CHL1: variants seen among roughly 807,000 people sequenced by gnomAD.
CHL1 encodes cell adhesion molecule L1 like.
In CHL1, 96 loss-of-function variants were observed where a neutral mutation model predicts 141.9. That is an observed-to-expected ratio of 0.68 (90% CI 0.57 to 0.80). The LOEUF (loss-of-function observed/expected upper bound fraction) is 0.80, where lower values mean the gene tolerates loss of function less well. Among genes scored for constraint, CHL1 ranks in the 30% least tolerant of loss-of-function variants. CHL1 has a pLI of 0.00. For synonymous variants in CHL1, 613 were observed against 502.2 expected (o/e 1.22, Z -2.95); for missense variants, 1,820 against 1,457.2 (o/e 1.25, Z -4.05).
chr3:250,305 A>G (rs1299860372), intron 2 of CHL1, among the ~76,000 whole-genome samples: 1 of 152,054 alleles, frequency 6.6e-6, no homozygotes, highest in Non-Finnish European at 1.5e-5. Context: ...GTCATAGTAA[A>G]GAAGTGAAAA....
Position 363,213 on chromosome 3 carries a change from A to C in CHL1, c.1419-4A>C. On this transcript the variant is annotated splice_region_variant and splice_polypyrimidine_tract_variant and intron_variant, in intron 13 of 27. Coordinates refer to ENST00000256509, the MANE Select transcript of CHL1 (RefSeq NM_006614.4). Reference sequence around the variant, plus strand: ...AGATGGATGTACGCTTTCTTTGTCCATAGGCAGAAGGTGGAAGAAGTGAAA... The same window carrying C: ...AGATGGATGTACGCTTTCTTTGTCCCTAGGCAGAAGGTGGAAGAAGTGAAA... 1 of 1,606,020 alleles carries C rather than the reference A, an allele frequency of 6.2e-7. No homozygotes were observed. The highest frequency in any genetic ancestry group is 1.1e-5 in the South Asian group (1 of 90,102).
intron 2 of CHL1, among the ~76,000 whole-genome samples, chr3:316,203 G>A (rs1206227966): frequency 2.6e-5 from 4 of 152,044 alleles, no homozygotes; most frequent in African/African-American, 7.2e-5. Flanking sequence ...ACAACTGCCA[G>A]GGTCTATGTC....
At chr3:326,490 G>A (rs145885288) in intron 4 of CHL1, among the ~76,000 whole-genome samples, 57 of 151,456 alleles carry the variant, frequency 3.8e-4, no homozygotes, top group African/African-American at 1.3e-3. Context: ...TTGTGGATAG[G>A]TTGTTACTTG....
In CHL1 at chr3:290,849, T is replaced by C. The variant is rs551410903; in HGVS notation, c.-94-28834T>C. On this transcript the variant is annotated intron_variant, in intron 2 of 27. Transcript: ENST00000256509. ...TACTTGGGAGGCTGAGGCAGGAGAA[T>C]TGCTTGAACCCGGGAGACAGAGGTT... 4.0e-5 allele frequency among the ~76,000 whole-genome samples: 6 copies of C among 151,538 alleles called. No individual in the cohort carries two copies. The East Asian group carries it at 1.2e-3, about 29-fold the overall frequency.
At chr3:242,408 A>T (rs999974397) in intron 1 of CHL1, among the ~76,000 whole-genome samples, 2 of 139,666 alleles carry the variant, frequency 1.4e-5, no homozygotes, top group Non-Finnish European at 3.1e-5. Flanking sequence ...CATCCTGGCT[A>T]ACACGGTGAA....
chr3:328,391 T>C, intron 5 of CHL1, 37 bp downstream of exon 5: 1 of 1,529,464 alleles, frequency 6.5e-7, no homozygotes, highest in African/African-American at 1.4e-5. Context: ...TTACAAGTGT[T>C]TTAGTGAAGT....
Position 357,881 on chromosome 3 carries a change from G to A in CHL1, c.1166-2403G>A, listed in dbSNP as rs149855276. 2.3e-3 allele frequency among the ~76,000 whole-genome samples: 352 copies of A among 152,302 alleles called. 1 individual carries two copies. Among genetic ancestry groups the A allele is most frequent in the African/African-American group, 7.6e-3 (317 of 41,572 alleles). ...AAGGAGAACTAAATGGGAGGATGGC[G>A]TTAACTCTGAAAGTCTTAGGACCCT... is the stretch of plus-strand genomic sequence containing the variant. On this transcript the variant is annotated intron_variant, in intron 11 of 27. Coordinates refer to ENST00000256509, the MANE Select transcript of CHL1 (RefSeq NM_006614.4).
chr3:248,663 A>G (rs1693404546), intron 2 of CHL1: 1 of 152,100 alleles, frequency 6.6e-6, no homozygotes. Flanking sequence ...CAATCTTCAT[A>G]GCCTTTTTTT....
At chr3:207,182 AT>A (rs1395826771) in intron 1 of CHL1, among the ~76,000 whole-genome samples, 4 of 152,216 alleles carry the variant, frequency 2.6e-5, no homozygotes, top group African/African-American at 9.6e-5. Flanking sequence ...ATGTTCATGT[AT>A]TTTTAAGATA....
chr3:399,824 A>C (rs979220946), intron 26 of CHL1, among the ~76,000 whole-genome samples: 4 of 152,122 alleles, frequency 2.6e-5, no homozygotes, highest in Non-Finnish European at 5.9e-5. Context: ...TACATGACTC[A>C]TATTTTTCGC....
chr3:395,789 C>T (rs918682800), intron 24 of CHL1, among the ~76,000 whole-genome samples: 1 of 152,190 alleles, frequency 6.6e-6, no homozygotes, highest in Non-Finnish European at 1.5e-5. Context: ...ATGTGTCAGA[C>T]TGTGTTCTGG....
At chr3:291,281 A>G (rs569439440) in intron 2 of CHL1, among the ~76,000 whole-genome samples, 1 of 152,204 alleles carries the variant, frequency 6.6e-6, no homozygotes, top group South Asian at 2.1e-4. Context: ...TAAACTCATA[A>G]TGATGTCATA....
At chr3:318,249 T>C (rs765152629) in intron 2 of CHL1, among the ~76,000 whole-genome samples, 1 of 151,900 alleles carries the variant, frequency 6.6e-6, no homozygotes, top group Non-Finnish European at 1.5e-5. Flanking sequence ...ATACAAAAGA[T>C]ACAGGTCTAT....
At chr3:333,560 C>T (rs6798289) in intron 5 of CHL1, among the ~76,000 whole-genome samples, 114,813 of 151,998 alleles carry the variant, frequency 0.76, 43,590 homozygotes, top group Non-Finnish European at 0.81. Flanking sequence ...TTTATATACA[C>T]GAAAAACTAT....
At chr3:378,405 A>G (rs891800877) in intron 16 of CHL1, among the ~76,000 whole-genome samples, 2 of 152,214 alleles carry the variant, frequency 1.3e-5, no homozygotes, top group African/African-American at 4.8e-5. Flanking sequence ...AACTTCCAGC[A>G]TTCTACAAAG....
intron 1 of CHL1, 134 bp from the exon 2 acceptor site, chr3:244,479 A>C (rs1256606882): frequency 6.6e-6 from 1 of 152,110 alleles, no homozygotes; most frequent in African/African-American, 2.4e-5. Flanking sequence ...TAGGTATTTG[A>C]GTGGAAATTT....
intron 24 of CHL1, among the ~76,000 whole-genome samples, chr3:395,484 T>C (rs1287992697): frequency 2.0e-5 from 3 of 152,194 alleles, no homozygotes; most frequent in Non-Finnish European, 2.9e-5. Flanking sequence ...CCAGTTATGA[T>C]TTTAGTGAGG....
At chr3:212,614 A>T (rs1184649658) in intron 1 of CHL1, among the ~76,000 whole-genome samples, 1 of 152,074 alleles carries the variant, frequency 6.6e-6, no homozygotes, top group Non-Finnish European at 1.5e-5. Context: ...ACTTCCTGAA[A>T]ATTTCCCCTG....
intron 1 of CHL1, among the ~76,000 whole-genome samples, chr3:204,802 TA>T (rs5845951): frequency 0.94 from 143,720 of 152,120 alleles, 68,256 homozygotes; most frequent in East Asian, 1. Context: ...ATTTCTATTT[TA>T]AAAAAAAATC....
Sources: allele counts gnomAD v4.1 joint callset (sites outside exome capture counted in the v4.1 genomes callset), GRCh38; gene constraint gnomAD v4.1.1; transcripts MANE v1.5; gene names NCBI Gene and HGNC (gene_info 2026-07-23, HGNC 2026-07-21).